MICAL3: variants seen among roughly 807,000 people sequenced by gnomAD.
MICAL3 encodes [F-actin]-monooxygenase MICAL3.
A neutral mutation model predicts 207.4 loss-of-function variants in MICAL3; 62 were observed. The observed-to-expected ratio is 0.30, with a 90% confidence interval of 0.24 to 0.37. MICAL3 has a LOEUF of 0.37. Ranked by LOEUF, MICAL3 falls within the 10% of genes least tolerant of loss-of-function variation. MICAL3 has a pLI of 1.00. For missense variants in MICAL3, 2,368 were observed against 2,635.6 expected, an observed-to-expected ratio of 0.90 and a Z score of 2.22; for synonymous variants, 1,077 against 1,069.3, an observed-to-expected ratio of 1.01 and a Z score of -0.14.
chr22:17,998,439 G>A (rs1477638804), intron 1 of MICAL3, among the ~76,000 whole-genome samples: 1 of 131,844 alleles, frequency 7.6e-6, no homozygotes, highest in Non-Finnish European at 1.7e-5. Context: ...AAACTTTAAC[G>A]ACTTCAGAGA....
At chr22:17,810,251 AC>A (rs368529398) in intron 28 of MICAL3, among the ~76,000 whole-genome samples, 1,872 of 151,246 alleles carry the variant, frequency 0.012, 35 homozygotes, top group African/African-American at 0.041. Flanking sequence ...TTTAGTAGAG[AC>A]GGGGGTTTCA....
intron 19 of MICAL3, among the ~76,000 whole-genome samples, chr22:17,849,315 G>C (rs1427669129): frequency 6.6e-6 from 1 of 152,132 alleles, no homozygotes; most frequent in African/African-American, 2.4e-5. Context: ...GTCTCTAAGA[G>C]TCCTTCCAAT....
chr22:17,977,174 G>A (rs1328482671), intron 1 of MICAL3, among the ~76,000 whole-genome samples: 2 of 152,110 alleles, frequency 1.3e-5, no homozygotes, highest in African/African-American at 4.8e-5. Flanking sequence ...CTCAAGAATC[G>A]AGAGTAAATT....
intron 1 of MICAL3, among the ~76,000 whole-genome samples, chr22:17,938,346 G>C (rs977990055): frequency 2.0e-5 from 3 of 152,182 alleles, no homozygotes; most frequent in Non-Finnish European, 2.9e-5. Flanking sequence ...GCAACCAACC[G>C]GGAGGGAAGT....
chr22:17,855,809 G>A (rs978286208), intron 19 of MICAL3, among the ~76,000 whole-genome samples: 1 of 152,164 alleles, frequency 6.6e-6, no homozygotes, highest in African/African-American at 2.4e-5. Context: ...GTATTTTCCA[G>A]GAATAATGAA....
chr22:17,864,741 A>G, intron 19 of MICAL3, 158 bp downstream of exon 19: 1 of 1,613,820 alleles, frequency 6.2e-7, no homozygotes, highest in Non-Finnish European at 8.5e-7. Flanking sequence ...CTCCGAACGC[A>G]AGCAGCTGGC....
intron 17 of MICAL3, among the ~76,000 whole-genome samples, chr22:17,869,499 CCTTGT>C (rs1244519685): frequency 6.6e-6 from 1 of 152,100 alleles, no homozygotes; most frequent in African/African-American, 2.4e-5. Context: ...AATTTTGAGT[CCTTGT>C]CTTAAGAGCT....
At chr22:18,016,161 C>T (rs1326570222) in intron 1 of MICAL3, among the ~76,000 whole-genome samples, 3 of 152,154 alleles carry the variant, frequency 2.0e-5, no homozygotes, top group African/African-American at 7.2e-5. Flanking sequence ...TGGAATTTTA[C>T]TGTAACCTCA....
At position 17,956,479 on chromosome 22, in the gene MICAL3, G is replaced by A. The variant is rs553409081; in HGVS notation, c.-74-49593C>T. 2.9e-4 allele frequency among the ~76,000 whole-genome samples: 44 copies of A among 152,318 alleles called. No homozygotes were observed. The South Asian group carries it at 8.9e-3, about 31-fold the overall frequency. On this transcript the variant is annotated intron_variant, in intron 1 of 31. Coordinates refer to ENST00000441493, the MANE Select transcript of MICAL3 (RefSeq NM_015241.3). ...GAGGTCAGGAGTTCGAGATCAGCCT[G>A]ACAAACATGGAGAAACCCCGTCTCT...
chr22:18,001,643 T>C (rs1459515901), intron 1 of MICAL3: 1 of 152,604 alleles, frequency 6.6e-6, no homozygotes, highest in Non-Finnish European at 1.5e-5. Context: ...AGGGACTCCA[T>C]TGCTACTTGC....
At chr22:17,829,222 AAT>A (rs1221805095) in intron 21 of MICAL3, among the ~76,000 whole-genome samples, 82 of 149,730 alleles carry the variant, frequency 5.5e-4, no homozygotes, top group African/African-American at 2.0e-3. Context: ...GCTAGAGTGC[AAT>A]GGCACGATCT....
At chr22:17,966,297 C>T (rs987915789) in intron 1 of MICAL3, among the ~76,000 whole-genome samples, 2 of 152,128 alleles carry the variant, frequency 1.3e-5, no homozygotes, top group Non-Finnish European at 2.9e-5. Flanking sequence ...TCCACTCCCT[C>T]GGGCCTGGGT....
At chr22:17,996,909 T>C (rs1439710305) in intron 1 of MICAL3, among the ~76,000 whole-genome samples, 1 of 152,152 alleles carries the variant, frequency 6.6e-6, no homozygotes, top group South Asian at 2.1e-4. Flanking sequence ...ATGCCTCCAG[T>C]TTCACAGTTT....
intron 29 of MICAL3, among the ~76,000 whole-genome samples, chr22:17,794,141 A>C (rs1450453793): frequency 6.6e-6 from 1 of 152,234 alleles, no homozygotes; most frequent in Non-Finnish European, 1.5e-5. Flanking sequence ...TGTTCCCTAC[A>C]CAATGATGGC....
intron 19 of MICAL3, among the ~76,000 whole-genome samples, chr22:17,843,970 C>T (rs993640956): frequency 3.9e-5 from 6 of 152,146 alleles, no homozygotes; most frequent in African/African-American, 1.4e-4. Flanking sequence ...CCTCAGCCTC[C>T]CGAGTAGCTG....
At chr22:17,872,127 G>A (rs1384657284) in intron 16 of MICAL3, 104 bp from the exon 17 acceptor site, 1 of 990,130 alleles carries the variant, frequency 1.0e-6, no homozygotes, top group Non-Finnish European at 1.5e-6. Context: ...CCTCACTAAG[G>A]GGTCTGCTTT....
chr22:17,899,196 G>A (rs748834143), intron 7 of MICAL3: 69 of 536,956 alleles, frequency 1.3e-4, no homozygotes, highest in Non-Finnish European at 2.3e-4. Flanking sequence ...GCCACGTGTT[G>A]AGAACTGTGA....
intron 1 of MICAL3, chr22:18,001,465 C>T (rs1923006618): frequency 6.6e-6 from 1 of 152,308 alleles, no homozygotes; most frequent in Non-Finnish European, 1.5e-5. Context: ...GTTCCGCAGC[C>T]CGAGCGTCCG....
intron 1 of MICAL3, among the ~76,000 whole-genome samples, chr22:17,940,387 A>G (rs1425550188): frequency 6.6e-6 from 1 of 152,168 alleles, no homozygotes; most frequent in Non-Finnish European, 1.5e-5. Flanking sequence ...CCTGGGTGAC[A>G]TAGTGTGACT....
Sources: allele counts gnomAD v4.1 joint callset (sites outside exome capture counted in the v4.1 genomes callset), GRCh38; gene constraint gnomAD v4.1.1; transcripts MANE v1.5; gene names NCBI Gene and HGNC (gene_info 2026-07-23, HGNC 2026-07-21).